The following ADAM23 variants were observed in gnomAD, a reference collection of about 807,000 sequenced individuals.
ADAM23 encodes the protein ADAM metallopeptidase domain 23.
ADAM23 carries 33 observed loss-of-function variants against 120.1 expected under a neutral mutation model. That is an observed-to-expected ratio of 0.27 (90% CI 0.21 to 0.37). The LOEUF (loss-of-function observed/expected upper bound fraction) is 0.37. Among genes scored for constraint, ADAM23 ranks in the 10% least tolerant of loss-of-function variants. ADAM23 has a pLI of 1.00. For missense variants in ADAM23, 862 were observed against 1,058.2 expected, an observed-to-expected ratio of 0.81 and a Z score of 2.57; for synonymous variants, 367 against 375.2, an observed-to-expected ratio of 0.98 and a Z score of 0.25.
intron 2 of ADAM23, among the ~76,000 whole-genome samples, chr2:206,461,910 G>A (rs901827103): frequency 3.9e-5 from 6 of 152,282 alleles, no homozygotes; most frequent in African/African-American, 1.4e-4. Context: ...GAAAAGAGTA[G>A]CTGCCTTCAG....
rs1559270247 is a variant in ADAM23 at position 206,571,756 on chromosome 2, T to C, written c.1596T>C (p.Cys532=). 1.7e-5 allele frequency: 28 copies of C among 1,614,000 alleles called. No homozygotes were observed. The highest frequency in any genetic ancestry group is 2.2e-5 in the Non-Finnish European group (26 of 1,179,972). ...VECYGLCCKK[C]SLSNGAHCSD... Reference sequence around the variant, plus strand: ...GCTATGGATTATGCTGTAAGAAATGTTCCCTCTCCAACGGGGCTCACTGCA... The same window carrying C: ...GCTATGGATTATGCTGTAAGAAATGCTCCCTCTCCAACGGGGCTCACTGCA... The change falls in exon 17 of 26, where the codon TGT becomes TGC. Residue 532 remains cysteine, a synonymous_variant. Coordinates refer to ENST00000264377, the MANE Select transcript of ADAM23 (RefSeq NM_003812.4).
chr2:206,547,530 A>G (rs1697423590), intron 7 of ADAM23, 29 bp downstream of exon 7: 3 of 1,567,024 alleles, frequency 1.9e-6, no homozygotes, highest in Admixed American at 3.4e-5. Flanking sequence ...TAGCGATTAT[A>G]TTTTATGTAG....
chr2:206,571,875 T>C, intron 17 of ADAM23, 59 bp downstream of exon 17: 2 of 1,431,654 alleles, frequency 1.4e-6, no homozygotes, highest in East Asian at 2.3e-5. Context: ...GATATCTCAG[T>C]GTGTACACTG....
intron 8 of ADAM23, 58 bp from the exon 9 acceptor site, chr2:206,550,037 G>T: frequency 2.8e-6 from 3 of 1,063,988 alleles, no homozygotes; most frequent in Non-Finnish European, 4.2e-6. Flanking sequence ...TTAACAGTGA[G>T]CACTAGAGAG....
At chr2:206,496,043 A>G (rs1444404358) in intron 3 of ADAM23, among the ~76,000 whole-genome samples, 1 of 152,170 alleles carries the variant, frequency 6.6e-6, no homozygotes, top group African/African-American at 2.4e-5. Context: ...CTCCCACACA[A>G]TAATAATGGG....
chr2:206,517,298 GT>G (rs1178574202), intron 3 of ADAM23, among the ~76,000 whole-genome samples: 1 of 152,134 alleles, frequency 6.6e-6, no homozygotes, highest in Admixed American at 6.5e-5. Flanking sequence ...GAGTCTCAAA[GT>G]TTTCTTGCTG....
chr2:206,539,907 A>G (rs575354186), intron 4 of ADAM23, among the ~76,000 whole-genome samples: 210 of 152,342 alleles, frequency 1.4e-3, no homozygotes, highest in African/African-American at 5.0e-3. Context: ...ATTGGAAGCT[A>G]CCAAATTGTT....
chr2:206,562,903 G>A (rs2105823903), intron 13 of ADAM23, among the ~76,000 whole-genome samples: 1 of 152,294 alleles, frequency 6.6e-6, no homozygotes, highest in African/African-American at 2.4e-5. Flanking sequence ...CATAGCCAGT[G>A]ACTGTTAGGC....
intron 3 of ADAM23, among the ~76,000 whole-genome samples, chr2:206,494,717 C>A (rs1696202525): frequency 6.6e-6 from 1 of 152,060 alleles, no homozygotes; most frequent in South Asian, 2.1e-4. Flanking sequence ...ATCTTTTTTC[C>A]CACTAGTATC....
At chr2:206,541,284 G>A (rs1294375511) in intron 4 of ADAM23, among the ~76,000 whole-genome samples, 2 of 151,994 alleles carry the variant, frequency 1.3e-5, no homozygotes, top group African/African-American at 4.8e-5. Flanking sequence ...TAATTATAGT[G>A]GCAGAGCTGT....
chr2:206,603,164 AATAG>A (rs1165550172), intron 24 of ADAM23, among the ~76,000 whole-genome samples: 7 of 151,992 alleles, frequency 4.6e-5, no homozygotes, highest in African/African-American at 1.7e-4. Context: ...TAAATTACAG[AATAG>A]ATAAATTAGT....
At chr2:206,557,334 C>A in intron 9 of ADAM23, 93 bp from the exon 10 acceptor site, 1 of 1,002,976 alleles carries the variant, frequency 1.0e-6, no homozygotes, top group South Asian at 1.3e-5. Context: ...ATCCATATTT[C>A]TACTATTACT....
chr2:206,552,577 G>A (rs912610236), intron 9 of ADAM23, among the ~76,000 whole-genome samples: 4 of 151,994 alleles, frequency 2.6e-5, no homozygotes, highest in African/African-American at 7.2e-5. Flanking sequence ...CACATGTTCT[G>A]TGATAGAGTT....
intron 6 of ADAM23, 148 bp downstream of exon 6, chr2:206,543,464 G>C (rs1224599450): frequency 6.1e-6 from 4 of 653,274 alleles, no homozygotes; most frequent in Non-Finnish European, 1.0e-5. Flanking sequence ...GAGTTTTGAA[G>C]TTTTAAGTTG....
At position 206,444,059 on chromosome 2, in the gene ADAM23, T is replaced by A. The variant is rs2105843492; in HGVS notation, c.193T>A (p.Trp65Arg). Reference sequence around the variant, plus strand: ...CGCCGCCTCGTCCCGGCCCCGCGCCTGGGGGGCTGCTGCGCCCAGCGGTGG... The same window carrying A: ...CGCCGCCTCGTCCCGGCCCCGCGCCAGGGGGGCTGCTGCGCCCAGCGGTGG... Reference protein sequence around the residue: ...PLAASSRPRAWGAAAPSAPHW... With the variant: ...PLAASSRPRARGAAAPSAPHW... Residue 65 changes from tryptophan (W) to arginine (R), a missense_variant, in exon 1 of 26, where the codon TGG becomes AGG. Physicochemically the swap from Trp to Arg is moderately radical, Grantham distance 101. Coordinates refer to ENST00000264377, the MANE Select transcript of ADAM23 (RefSeq NM_003812.4). 1 of 1,386,928 alleles carries A rather than the reference T, an allele frequency of 7.2e-7. No homozygotes were observed. Among genetic ancestry groups the A allele is most frequent in the Non-Finnish European group, 9.4e-7 (1 of 1,067,794 alleles). The allele number at this position is 1,386,928 out of a possible 1,614,324, so 85.9% of individuals were successfully genotyped here.
chr2:206,512,460 T>C (rs1029743982), intron 3 of ADAM23, among the ~76,000 whole-genome samples: 2 of 152,234 alleles, frequency 1.3e-5, no homozygotes, highest in African/African-American at 4.8e-5. Flanking sequence ...AAAAGGCTAT[T>C]GAGTGCCGTT....
rs112396145 is a variant in ADAM23, at chr2:206,491,918, A to T, written c.509+10610A>T. ...CCCTCTGTGTTAGCCAAGTGTATAA[A>T]GTTCTTTCTAACCTGAGTTGATGGA... On this transcript the variant is annotated intron_variant, in intron 3 of 25. Transcript: ENST00000264377. Among the ~76,000 whole-genome samples the T allele has an allele frequency of 4.5e-3, 683 of 152,342 alleles. 6 individuals carry two copies. The highest frequency in any genetic ancestry group is 8.3e-3 in the Non-Finnish European group (567 of 68,028).
chr2:206,595,158 C>A (rs966241114), intron 23 of ADAM23, among the ~76,000 whole-genome samples: 1 of 151,980 alleles, frequency 6.6e-6, no homozygotes, highest in African/African-American at 2.4e-5. Flanking sequence ...TCCAGCCTGG[C>A]GACAGAGCGA....
At chr2:206,542,972 C>T (rs1386263771) in intron 5 of ADAM23, among the ~76,000 whole-genome samples, 3 of 152,170 alleles carry the variant, frequency 2.0e-5, no homozygotes, top group Non-Finnish European at 4.4e-5. Context: ...GAGTAATTTT[C>T]TAATCTGTCT....
Sources: gnomAD v4.1 joint callset for allele counts (sites outside exome capture counted in the v4.1 genomes callset) on GRCh38, gnomAD v4.1.1 for gene constraint, MANE v1.5 for transcripts, NCBI Gene and HGNC (gene_info 2026-07-23, HGNC 2026-07-21) for gene names.